The following SECISBP2 variants were observed in gnomAD, a reference collection of about 807,000 sequenced individuals.
SECISBP2 encodes selenocysteine insertion sequence-binding protein 2.
SECISBP2 carries 96 observed loss-of-function variants against 98.2 expected under a neutral mutation model. That is an observed-to-expected ratio of 0.98 (90% CI 0.83 to 1.16). The LOEUF is 1.16. Ranked by LOEUF, SECISBP2 falls within the 50% of genes most tolerant of loss-of-function variation. The pLI, the probability that SECISBP2 is intolerant of heterozygous loss-of-function variation, is 0.00. For synonymous variants in SECISBP2, 407 were observed against 370.2 expected (o/e 1.10, Z -1.14); for missense variants, 1,046 against 1,022.9 (o/e 1.02, Z -0.31).
At chr9:89,336,841 G>A (rs946977713) in intron 7 of SECISBP2, among the ~76,000 whole-genome samples, 8 of 135,476 alleles carry the variant, frequency 5.9e-5, no homozygotes, top group Admixed American at 8.6e-5. Flanking sequence ...GCGTGATCTC[G>A]GCTCACTGCA....
intron 10 of SECISBP2, among the ~76,000 whole-genome samples, chr9:89,343,334 C>G (rs572483858): frequency 6.6e-6 from 1 of 151,924 alleles, no homozygotes; most frequent in South Asian, 2.1e-4. Context: ...TTTTTTAAAT[C>G]TGTGGATCTT....
At chr9:89,321,467 C>T (rs532991469) in intron 2 of SECISBP2, among the ~76,000 whole-genome samples, 4 of 151,754 alleles carry the variant, frequency 2.6e-5, no homozygotes, top group South Asian at 2.1e-4. Context: ...GAGTTCAAGA[C>T]GAGCCTGACC....
chr9:89,356,208 G>T (rs549128505), intron 14 of SECISBP2, among the ~76,000 whole-genome samples: 6 of 152,314 alleles, frequency 3.9e-5, no homozygotes, highest in Admixed American at 6.5e-5. Context: ...AACTGCGCTT[G>T]TGAGGGATCT....
At chr9:89,339,726 ATG>A (rs1829361503) in intron 8 of SECISBP2, 136 bp from the exon 9 acceptor site, 2 of 680,298 alleles carry the variant, frequency 2.9e-6, no homozygotes, top group Admixed American at 2.3e-5. Flanking sequence ...AGAAGCTCTT[ATG>A]TGAGAGTTTC....
In SECISBP2 at chr9:89,341,328, A is replaced by G. The variant is rs940959073; in HGVS notation, c.1303-19A>G. On this transcript the variant is annotated intron_variant, in intron 9 of 16. Coordinates refer to ENST00000375807, the MANE Select transcript of SECISBP2 (RefSeq NM_024077.5). ...TTTGTATAGTTTTATAAGTAAACTT[A>G]CGAATTTTGAACTTTCAGGATAATT... is the stretch of plus-strand genomic sequence containing the variant. 1 of 1,608,952 alleles carries G rather than the reference A, an allele frequency of 6.2e-7. No individual in the cohort carries two copies.
chr9:89,364,232 A>AGC, downstream of SECISBP2: 2 of 536,212 alleles, frequency 3.7e-6, no homozygotes, highest in Non-Finnish European at 6.5e-6. Context: ...CCTTTCTTGC[A>AGC]GCGCTGTGCT....
chr9:89,350,794 G>T lies in SECISBP2; in HGVS notation c.2055G>T (p.Lys685Asn), dbSNP rs753102986. Reference sequence around the variant, plus strand: ...TGAGGGAGGTTCTCAAACACCTGAAGCTCAAAAAACTGAAATGTGTCATTA... The same window carrying T: ...TGAGGGAGGTTCTCAAACACCTGAATCTCAAAAAACTGAAATGTGTCATTA... ...LGLREVLKHLKLKKLKCVIIS... is the reference protein window; with the variant it reads ...LGLREVLKHLNLKKLKCVIIS... Residue 685 changes from lysine to asparagine, a missense_variant, in exon 14 of 17, where the codon AAG (lysine) becomes AAT (asparagine). By Grantham distance (94) the Lys-to-Asn change is moderately conservative (BLOSUM62 0). Coordinates refer to ENST00000375807, the MANE Select transcript of SECISBP2 (RefSeq NM_024077.5). The T allele has an allele frequency of 6.2e-7, 1 of 1,614,184 alleles. No individual in the cohort carries two copies. The highest frequency in any genetic ancestry group is 1.7e-5 in the Admixed American group (1 of 60,028).
In SECISBP2 at chr9:89,334,735, G is replaced by A. The variant is rs772051496; in HGVS notation, c.1089+5G>A. ...ATTATTCATCCTACCCAAAAGGTAC[G>A]TGTCACTAGAGACAGAAAGTAGGAT... On this transcript the variant is annotated splice_donor_5th_base_variant and intron_variant, in intron 7 of 16. Coordinates refer to ENST00000375807, the MANE Select transcript of SECISBP2 (RefSeq NM_024077.5). 2.2e-5 allele frequency: 36 copies of A among 1,607,130 alleles called. No individual in the cohort carries two copies. The highest frequency in any genetic ancestry group is 2.8e-5 in the Non-Finnish European group (33 of 1,175,680).
intron 13 of SECISBP2, among the ~76,000 whole-genome samples, chr9:89,350,293 C>G (rs1034899657): frequency 9.2e-5 from 14 of 152,212 alleles, no homozygotes; most frequent in Non-Finnish European, 2.9e-5. Context: ...TCTGCCTTCT[C>G]CCCTGCCCAC....
At chr9:89,329,906 A>G (rs1827465242) in intron 5 of SECISBP2, 2 of 152,240 alleles carry the variant, frequency 1.3e-5, no homozygotes, top group Admixed American at 1.3e-4. Flanking sequence ...CAATATAGAA[A>G]AAAAAGACTT....
At chr9:89,318,892 G>T (rs968893161) in intron 1 of SECISBP2, 2 of 1,243,372 alleles carry the variant, frequency 1.6e-6, no homozygotes, top group Non-Finnish European at 2.0e-6. Context: ...GCTCCCCGCA[G>T]TCGGGGCGGG....
chr9:89,328,214 A>G (rs1347662863), intron 4 of SECISBP2, among the ~76,000 whole-genome samples: 1 of 152,234 alleles, frequency 6.6e-6, no homozygotes, highest in African/African-American at 2.4e-5. Flanking sequence ...ACAGTACATC[A>G]TCGCATGTAC....
At chr9:89,362,721 C>G (rs2132173844), downstream of SECISBP2, among the ~76,000 whole-genome samples, 1 of 152,364 alleles carries the variant, frequency 6.6e-6, no homozygotes, top group Admixed American at 6.5e-5. Flanking sequence ...GCTGTAAATG[C>G]CCAGCCTTTG....
At chr9:89,323,964 G>A (rs1826244960) in intron 2 of SECISBP2, 3 of 152,188 alleles carry the variant, frequency 2.0e-5, no homozygotes, top group Admixed American at 2.0e-4. Context: ...AAATTTCCTG[G>A]ATGACAGCAG....
chr9:89,333,343 T>C (rs1483577737), intron 6 of SECISBP2, among the ~76,000 whole-genome samples: 1 of 152,244 alleles, frequency 6.6e-6, no homozygotes, highest in East Asian at 1.9e-4. Context: ...GTGATACCTG[T>C]CAACATTTGC....
At chr9:89,338,878 CTTT>C (rs1829209078) in intron 8 of SECISBP2, among the ~76,000 whole-genome samples, 1 of 148,506 alleles carries the variant, frequency 6.7e-6, no homozygotes, top group Non-Finnish European at 1.5e-5. Context: ...CAGTTATCTT[CTTT>C]ACCTGTTTTT....
chr9:89,332,802 G>A, intron 5 of SECISBP2, 106 bp from the exon 6 acceptor site: 1 of 894,440 alleles, frequency 1.1e-6, no homozygotes, highest in Non-Finnish European at 1.8e-6. Flanking sequence ...TACCAGCAAT[G>A]GATAAGGATT....
In SECISBP2 at chr9:89,325,414, A is replaced by C; in HGVS notation, c.183-13A>C. On this transcript the variant is annotated splice_polypyrimidine_tract_variant and intron_variant, in intron 2 of 16. Transcript: ENST00000375807. The stretch of plus-strand genomic sequence containing the variant: ...TATGAAATCTGCAACTAAAGTTTAC[A>C]CTTTTTACTTAGGCAGAAAATATAT... 1 of 1,613,458 alleles carries C rather than the reference A, an allele frequency of 6.2e-7. No individual in the cohort carries two copies. Among genetic ancestry groups the C allele is most frequent in the Non-Finnish European group, 8.5e-7 (1 of 1,179,718 alleles).
downstream of SECISBP2, chr9:89,363,924 C>G: frequency 6.2e-7 from 1 of 1,614,092 alleles, no homozygotes; most frequent in Non-Finnish European, 8.5e-7. Flanking sequence ...CCATTCTTCT[C>G]CCAGACAAAG....
Sources: gnomAD v4.1 joint callset for allele counts (sites outside exome capture counted in the v4.1 genomes callset) on GRCh38, gnomAD v4.1.1 for gene constraint, MANE v1.5 for transcripts, NCBI Gene and HGNC (gene_info 2026-07-23, HGNC 2026-07-21) for gene names.